DGKB: variants seen among roughly 807,000 people sequenced by gnomAD.
The protein encoded by DGKB is 90 kDa diacylglycerol kinase.
DGKB carries 67 observed loss-of-function variants against 114.3 expected under a neutral mutation model. The observed-to-expected ratio is 0.59, with a 90% CI of 0.48 to 0.72. The LOEUF (loss-of-function observed/expected upper bound fraction) is 0.72, where lower values mean the gene tolerates loss of function less well. Ranked by LOEUF, DGKB falls within the 30% of genes least tolerant of loss-of-function variation. The pLI, the probability that DGKB is intolerant of heterozygous loss-of-function variation, is 0.00. For synonymous variants in DGKB, 398 were observed against 323.1 expected, an observed-to-expected ratio of 1.23 and a Z score of -2.49; for missense variants, 907 against 975.2, an observed-to-expected ratio of 0.93 and a Z score of 0.93.
At chr7:14,417,686 T>C (rs1263867536) in intron 21 of DGKB, among the ~76,000 whole-genome samples, 2 of 147,040 alleles carry the variant, frequency 1.4e-5, no homozygotes, top group East Asian at 4.3e-4. Context: ...ATAAATTGCT[T>C]CTGGTGATTT....
At chr7:14,683,505 T>C (rs1293517959) in intron 10 of DGKB, among the ~76,000 whole-genome samples, 1 of 152,140 alleles carries the variant, frequency 6.6e-6, no homozygotes, top group East Asian at 1.9e-4. Flanking sequence ...TGTATATATA[T>C]AATACGTGTC....
chr7:14,757,696 A>G lies in DGKB; in HGVS notation c.106T>C (p.Phe36Leu), dbSNP rs1328881110. ...TKKLKDVLEE[F>L]HGNGVLAKYN... ...TTTGCAAGCACACCATTACCATGGAATTCTTCAAGAACATCCTTTAATTTC... is the reference window on the plus strand; with the variant it reads ...TTTGCAAGCACACCATTACCATGGAGTTCTTCAAGAACATCCTTTAATTTC... The change falls in exon 3 of 26, where the codon TTC becomes CTC. Residue 36 changes from phenylalanine to leucine, a missense_variant. Transcript: ENST00000402815. 1 of 1,606,418 alleles carries G rather than the reference A, an allele frequency of 6.2e-7. No homozygotes were observed. Among genetic ancestry groups the G allele is most frequent in the Admixed American group, 1.7e-5 (1 of 59,426 alleles).
At chr7:14,674,852 G>T (rs1191771431) in intron 12 of DGKB, among the ~76,000 whole-genome samples, 1 of 152,106 alleles carries the variant, frequency 6.6e-6, no homozygotes, top group Non-Finnish European at 1.5e-5. Flanking sequence ...TCAGAGGGAG[G>T]ATGACCTGCT....
intron 1 of DGKB, among the ~76,000 whole-genome samples, chr7:14,949,030 C>T (rs1192354034): frequency 1.3e-5 from 2 of 151,574 alleles, no homozygotes; most frequent in Non-Finnish European, 3.0e-5. Flanking sequence ...AGAAACAAAA[C>T]ACAAATTGAG....
intron 23 of DGKB, among the ~76,000 whole-genome samples, chr7:14,310,259 G>A (rs1805160567): frequency 6.6e-6 from 1 of 152,108 alleles, no homozygotes; most frequent in South Asian, 2.1e-4. Context: ...GAAGCTCAGT[G>A]GTAACTGTCT....
At chr7:14,639,905 G>C (rs1469474907) in intron 13 of DGKB, among the ~76,000 whole-genome samples, 1 of 152,176 alleles carries the variant, frequency 6.6e-6, no homozygotes, top group Non-Finnish European at 1.5e-5. Flanking sequence ...TCATATCCAT[G>C]TTACAGTCAG....
chr7:14,152,661 G>A (rs893284306), intron 25 of DGKB, among the ~76,000 whole-genome samples: 1 of 151,948 alleles, frequency 6.6e-6, no homozygotes, highest in Non-Finnish European at 1.5e-5. Context: ...CGAAAAATGT[G>A]GGTTCAGTTT....
chr7:14,629,060 G>T (rs192493967), intron 14 of DGKB, among the ~76,000 whole-genome samples: 3 of 152,112 alleles, frequency 2.0e-5, no homozygotes, highest in African/African-American at 7.2e-5. Context: ...GAAAAGTTTA[G>T]ATCTCAAATG....
chr7:14,436,280 A>C (rs1829255085), intron 21 of DGKB, among the ~76,000 whole-genome samples: 1 of 152,140 alleles, frequency 6.6e-6, no homozygotes, highest in African/African-American at 2.4e-5. Flanking sequence ...TCCCATACCA[A>C]AGATTATTGT....
chr7:14,168,537 C>CAAAGA (rs1784933856), intron 25 of DGKB, among the ~76,000 whole-genome samples: 1 of 151,978 alleles, frequency 6.6e-6, no homozygotes. Context: ...AAACTAAAGA[C>CAAAGA]AAAGAAAAAA....
chr7:14,255,595 C>G, intron 23 of DGKB, among the ~76,000 whole-genome samples: 1 of 152,000 alleles, frequency 6.6e-6, no homozygotes, highest in African/African-American at 2.4e-5. Flanking sequence ...AAAATAATGC[C>G]CTTGCTAAAG....
At chr7:14,547,034 A>T (rs1794394331) in intron 20 of DGKB, among the ~76,000 whole-genome samples, 1 of 152,228 alleles carries the variant, frequency 6.6e-6, no homozygotes, top group Non-Finnish European at 1.5e-5. Flanking sequence ...TATTAAAAGG[A>T]ATCATTAAGC....
chr7:14,907,530 T>G (rs1477010732), upstream of DGKB, among the ~76,000 whole-genome samples: 1 of 152,248 alleles, frequency 6.6e-6, no homozygotes, highest in Non-Finnish European at 1.5e-5. Context: ...GCATTCTGCA[T>G]GTGCGCTTAC....
At chr7:14,644,856 T>A (rs1318239953) in intron 13 of DGKB, among the ~76,000 whole-genome samples, 2 of 152,100 alleles carry the variant, frequency 1.3e-5, no homozygotes, top group Admixed American at 1.3e-4. Context: ...CACTCAATAA[T>A]CCTCAAATAG....
chr7:14,865,370 C>T (rs531176468), intron 1 of DGKB, among the ~76,000 whole-genome samples: 1 of 152,288 alleles, frequency 6.6e-6, no homozygotes, highest in African/African-American at 2.4e-5. Context: ...TTCTCTCTTG[C>T]CCTGCCTGCA....
chr7:14,288,266 A>AG (rs1283734770), intron 23 of DGKB, among the ~76,000 whole-genome samples: 4 of 137,988 alleles, frequency 2.9e-5, no homozygotes, highest in Admixed American at 1.5e-4. Context: ...AAAAAAAAAA[A>AG]AAAGAAACAA....
At chr7:14,604,852 A>G (rs1396947467) in intron 17 of DGKB, among the ~76,000 whole-genome samples, 3 of 152,144 alleles carry the variant, frequency 2.0e-5, no homozygotes, top group African/African-American at 7.2e-5. Context: ...TGCCTTTAGG[A>G]TAAACAAAGA....
intron 23 of DGKB, among the ~76,000 whole-genome samples, chr7:14,220,176 C>G (rs1194201181): frequency 6.6e-6 from 1 of 151,570 alleles, no homozygotes; most frequent in East Asian, 1.9e-4. Flanking sequence ...TTGTAGGTAT[C>G]TCTGTATGTA....
At chr7:14,341,176 G>A (rs1811547287) in intron 22 of DGKB, among the ~76,000 whole-genome samples, 1 of 151,938 alleles carries the variant, frequency 6.6e-6, no homozygotes, top group East Asian at 1.9e-4. Context: ...AAGGACTGAT[G>A]AAGAACATTG....
Sources: gnomAD v4.1 joint callset for allele counts (sites outside exome capture counted in the v4.1 genomes callset) on GRCh38, gnomAD v4.1.1 for gene constraint, MANE v1.5 for transcripts, NCBI Gene and HGNC (gene_info 2026-07-23, HGNC 2026-07-21) for gene names.